The following MCM6 variants were observed in gnomAD, a reference collection of about 807,000 sequenced individuals.
MCM6 encodes DNA replication licensing factor MCM6.
A neutral mutation model predicts 94.3 loss-of-function variants in MCM6; 46 were observed. The ratio of observed to expected loss-of-function variants is 0.49; its 90% confidence interval spans 0.39 to 0.62. MCM6 has a LOEUF of 0.62. Ranked by LOEUF, MCM6 falls within the 20% of genes least tolerant of loss-of-function variation. The probability of loss-of-function intolerance (pLI) is 0.00; values close to 1 mark genes in which losing one functional copy is unlikely to be tolerated. For missense variants in MCM6, 865 were observed against 1,017.9 expected, an observed-to-expected ratio of 0.85 and a Z score of 2.04; for synonymous variants, 335 against 351.9, an observed-to-expected ratio of 0.95 and a Z score of 0.54.
chr2:135,876,153 C>T, intron 1 of MCM6, 106 bp downstream of exon 1: 1 of 843,214 alleles, frequency 1.2e-6, no homozygotes, highest in South Asian at 2.3e-5. Flanking sequence ...GCTTCCCGGA[C>T]GCGCGACCCC....
rs527988124 is a variant in MCM6, at chr2:135,843,341, G to A, written c.2349+1204C>T. 3.3e-5 allele frequency among the ~76,000 whole-genome samples: 5 copies of A among 152,300 alleles called. No homozygotes were observed. The East Asian group carries it at 9.6e-4, about 29-fold the overall frequency. On this transcript the variant is annotated intron_variant, in intron 16 of 16. Coordinates refer to ENST00000264156, the MANE Select transcript of MCM6 (RefSeq NM_005915.6). ...GTTTACAGGAGTGGTGAGAGCTGGT[G>A]ACATAAATGTGGAAGTCATCAGTAG...
chr2:135,872,770 A>G lies in MCM6; in HGVS notation c.181T>C (p.Leu61=), dbSNP rs550021704. The G allele has an allele frequency of 1.2e-6, 2 of 1,614,194 alleles. No individual in the cohort carries two copies. Among genetic ancestry groups the G allele is most frequent in the East Asian group, 2.2e-5 (1 of 44,890 alleles). Reference sequence around the variant, plus strand: ...TCCAGGTCCACAAAACTCACAACCAATGTGTTTCTCTCAGGACGAATCAGT... The same window carrying G: ...TCCAGGTCCACAAAACTCACAACCAGTGTGTTTCTCTCAGGACGAATCAGT... The part of the protein sequence containing the change: ...EELIRPERNT[L]VVSFVDLEQF... Residue 61 remains leucine (L), a synonymous_variant, in exon 2 of 17, where the codon TTG becomes CTG. Coordinates refer to ENST00000264156, the MANE Select transcript of MCM6 (RefSeq NM_005915.6).
rs777292697 is a variant in MCM6 at position 135,852,772 on chromosome 2, A to G, written c.1755+15T>C. The G allele has an allele frequency of 1.3e-6, 2 of 1,554,640 alleles. No individual in the cohort carries two copies. Among genetic ancestry groups the G allele is most frequent in the South Asian group, 2.4e-5 (2 of 81,796 alleles). On this transcript the variant is annotated intron_variant, in intron 12 of 16. Coordinates refer to ENST00000264156, the MANE Select transcript of MCM6 (RefSeq NM_005915.6). ...TACCCATTATACCTTATCCCAGTAC[A>G]AAAGGGTAGGTTACCTTGGGTTTAA...
intron 16 of MCM6, among the ~76,000 whole-genome samples, chr2:135,841,907 C>A (rs1679579524): frequency 6.6e-6 from 1 of 152,042 alleles, no homozygotes; most frequent in Non-Finnish European, 1.5e-5. Flanking sequence ...GAGTTTGAGA[C>A]CAGCCTGGCC....
chr2:135,861,040 G>C (rs1052712643), intron 8 of MCM6, among the ~76,000 whole-genome samples: 1 of 151,894 alleles, frequency 6.6e-6, no homozygotes, highest in African/African-American at 2.4e-5. Context: ...TCTTTTTGAG[G>C]GGGGAGAAAG....
chr2:135,861,361 GA>G (rs922318059), intron 8 of MCM6, among the ~76,000 whole-genome samples: 36 of 149,452 alleles, frequency 2.4e-4, no homozygotes, highest in Non-Finnish European at 3.9e-4. Flanking sequence ...GTGACTCTCT[GA>G]AAAAAAAAGG....
At chr2:135,847,934 C>A in intron 14 of MCM6, 119 bp downstream of exon 14, 1 of 656,824 alleles carries the variant, frequency 1.5e-6, no homozygotes, top group Admixed American at 2.4e-5. Flanking sequence ...TCAGTATCTG[C>A]TTTTTCCGTT....
At chr2:135,865,291 G>T in intron 6 of MCM6, 128 bp from the exon 7 acceptor site, 2,132 of 454,896 alleles carry the variant, frequency 4.7e-3, no homozygotes, top group East Asian at 6.0e-3. Context: ...GACTGTAAAG[G>T]TTTAAAAAAA....
chr2:135,871,308 G>C (rs1226283090), intron 2 of MCM6, among the ~76,000 whole-genome samples: 1 of 152,194 alleles, frequency 6.6e-6, no homozygotes, highest in East Asian at 1.9e-4. Flanking sequence ...CACCAGGCTT[G>C]ATTGTCTACC....
intron 12 of MCM6, 52 bp from the exon 13 acceptor site, chr2:135,851,615 T>C (rs746882178): frequency 6.8e-7 from 1 of 1,476,618 alleles, no homozygotes; most frequent in Non-Finnish European, 9.1e-7. Context: ...TGATGAGAGC[T>C]ACGGTAAACC....
intron 1 of MCM6, among the ~76,000 whole-genome samples, chr2:135,875,256 A>G (rs1680273771): frequency 6.6e-6 from 1 of 152,010 alleles, no homozygotes. Flanking sequence ...TCCAGCTAGT[A>G]GGGAGGCTGA....
rs1363956994 is a variant in MCM6 at position 135,844,785 on chromosome 2, T to A, written c.2210-101A>T. 2.4e-6 allele frequency: 3 copies of A among 1,247,292 alleles called. No individual in the cohort carries two copies. The East Asian group carries it at 8.2e-5, about 34-fold the overall frequency. 77.3% of individuals were successfully genotyped at this position (1,247,292 alleles called of 1,614,324 possible). The stretch of plus-strand genomic sequence containing the variant: ...ACAACGAGATAATGTACAGATTAGA[T>A]AAATGTCAAGCCGTCCGAAAGTACA... On this transcript the variant is annotated intron_variant, in intron 15 of 16. Transcript: ENST00000264156.
chr2:135,848,148 T>C lies in MCM6; in HGVS notation c.1958A>G (p.Asn653Ser). ...TGTTTCCACACGGATGATTGATTTA[T>C]TCAGTAACCGGAAAGCTTCCTTCAC... Reference protein sequence around the residue: ...KHVKEAFRLLNKSIIRVETPD... With the variant: ...KHVKEAFRLLSKSIIRVETPD... The change falls in exon 14 of 17, where the codon AAT (asparagine) becomes AGT (serine). Residue 653 changes from asparagine (N) to serine (S), a missense_variant. Transcript: ENST00000264156. 1 of 1,612,152 alleles carries C rather than the reference T, an allele frequency of 6.2e-7. No individual in the cohort carries two copies. The highest frequency in any genetic ancestry group is 8.5e-7 in the Non-Finnish European group (1 of 1,178,248).
chr2:135,858,106 C>T, intron 9 of MCM6, 102 bp from the exon 10 acceptor site: 2 of 1,013,306 alleles, frequency 2.0e-6, no homozygotes, highest in Non-Finnish European at 3.1e-6. Context: ...AGGAAGAACG[C>T]TTCACTAAGG....
At chr2:135,850,102 G>GAAAAA (rs906032084) in intron 13 of MCM6, among the ~76,000 whole-genome samples, 1 of 150,988 alleles carries the variant, frequency 6.6e-6, no homozygotes, top group Non-Finnish European at 1.5e-5. Context: ...CTATCACAAT[G>GAAAAA]AAAAAAAAAG....
At chr2:135,849,746 C>A (rs532063616) in intron 13 of MCM6, among the ~76,000 whole-genome samples, 67 of 151,980 alleles carry the variant, frequency 4.4e-4, no homozygotes, top group Non-Finnish European at 8.5e-4. Context: ...GCATGCCAAA[C>A]CAGTGTCAAA....
At chr2:135,846,470 C>G in intron 14 of MCM6, 78 bp from the exon 15 acceptor site, 1 of 1,123,564 alleles carries the variant, frequency 8.9e-7, no homozygotes, top group South Asian at 1.3e-5. Flanking sequence ...AAATACACTA[C>G]TTACATTTAA....
intron 11 of MCM6, 29 bp from the exon 12 acceptor site, chr2:135,852,944 T>A: frequency 6.4e-7 from 1 of 1,569,604 alleles, no homozygotes; most frequent in Non-Finnish European, 8.6e-7. Context: ...ATCACTTTGA[T>A]AGTCACAGCA....
intron 11 of MCM6, among the ~76,000 whole-genome samples, 182 bp downstream of exon 11, chr2:135,856,546 G>A (rs564499797): frequency 2.0e-5 from 3 of 152,340 alleles, no homozygotes; most frequent in African/African-American, 7.2e-5. Context: ...TTAAGTGGAA[G>A]AGGCAATTCA....
Sources: allele counts gnomAD v4.1 joint callset (sites outside exome capture counted in the v4.1 genomes callset), GRCh38; gene constraint gnomAD v4.1.1; transcripts MANE v1.5; gene names NCBI Gene and HGNC (gene_info 2026-07-23, HGNC 2026-07-21).